The following GATAD1 variants were observed in gnomAD, a reference collection of about 807,000 sequenced individuals.
GATAD1 encodes GATA zinc finger domain-containing protein 1.
GATAD1 carries 12 observed loss-of-function variants against 26.5 expected under a neutral mutation model. The observed-to-expected ratio is 0.45, with a 90% CI of 0.29 to 0.73. The LOEUF (loss-of-function observed/expected upper bound fraction) is 0.73. Among genes scored for constraint, GATAD1 ranks in the 30% least tolerant of loss-of-function variants. GATAD1 has a pLI of 0.10. For missense variants in GATAD1, 266 were observed against 342.1 expected, an observed-to-expected ratio of 0.78 and a Z score of 1.75; for synonymous variants, 129 against 133.1, an observed-to-expected ratio of 0.97 and a Z score of 0.21.
chr7:92,471,776 C>T, the GATAD1 span: 1 of 152,166 alleles, frequency 6.6e-6, no homozygotes, highest in African/African-American at 2.4e-5. Context: ...TAATGGCTTC[C>T]TGATGTTTGA....
At chr7:92,493,623 A>C in the GATAD1 span, 1 of 154,030 alleles carries the variant, frequency 6.5e-6, no homozygotes, top group East Asian at 1.9e-4. Flanking sequence ...TGGGTGACAA[A>C]GTGAGACCTT....
chr7:92,486,768 A>ATAGT, the GATAD1 span, among the ~76,000 whole-genome samples: 1 of 152,120 alleles, frequency 6.6e-6, no homozygotes, highest in Non-Finnish European at 1.5e-5. Context: ...CCATTACTAT[A>ATAGT]TAGTTAAGAT....
the GATAD1 span, chr7:92,489,795 G>GC: frequency 6.2e-7 from 1 of 1,613,792 alleles, no homozygotes; most frequent in Non-Finnish European, 8.5e-7. Flanking sequence ...TAAGTTCTTG[G>GC]CAACCCTCTT....
downstream of GATAD1, among the ~76,000 whole-genome samples, chr7:92,462,619 G>C (rs1789961700): frequency 6.6e-6 from 1 of 152,226 alleles, no homozygotes; most frequent in Admixed American, 6.5e-5. Flanking sequence ...ATGTGTGCCT[G>C]ATCCCCATGC....
At chr7:92,486,348 C>T in the GATAD1 span, among the ~76,000 whole-genome samples, 3 of 152,184 alleles carry the variant, frequency 2.0e-5, no homozygotes, top group African/African-American at 7.2e-5. Flanking sequence ...CCACCACCAC[C>T]CTTCATGAAC....
chr7:92,470,174 G>C, the GATAD1 span: 1 of 777,372 alleles, frequency 1.3e-6, no homozygotes, highest in Non-Finnish European at 2.4e-6. Context: ...TAGCAGTTGC[G>C]GGGCATATGG....
the GATAD1 span, chr7:92,491,548 T>C: frequency 1.7e-6 from 2 of 1,145,446 alleles, no homozygotes; most frequent in Non-Finnish European, 2.6e-6. Context: ...TAAACAATTT[T>C]AGTCTCAGAA....
chr7:92,475,655 C>T, the GATAD1 span, among the ~76,000 whole-genome samples: 1 of 151,724 alleles, frequency 6.6e-6, no homozygotes, highest in African/African-American at 2.4e-5. Context: ...CAGTCCTGCA[C>T]CCCTTTTCCC....
At chr7:92,462,859 A>G (rs1789970564), downstream of GATAD1, 1 of 152,258 alleles carries the variant, frequency 6.6e-6, no homozygotes, top group Non-Finnish European at 1.5e-5. Context: ...ACCAGAACCC[A>G]AATCTGCTAG....
rs889790792 is a variant in GATAD1 at position 92,459,906 on chromosome 7, C to T, written c.*3344C>T. 1.4e-4 allele frequency among the ~76,000 whole-genome samples: 21 copies of T among 152,124 alleles called. No homozygotes were observed. Among genetic ancestry groups the T allele is most frequent in the Non-Finnish European group, 2.6e-4 (18 of 68,030 alleles). Reference sequence around the variant, plus strand: ...AGTTATTAATTCATATTAACTTTGGCTGAAACTTTTAAATTCTATTGTGAA... The same window carrying T: ...AGTTATTAATTCATATTAACTTTGGTTGAAACTTTTAAATTCTATTGTGAA... On this transcript the variant is annotated 3_prime_UTR_variant, in exon 5 of 5. Coordinates refer to ENST00000287957, the MANE Select transcript of GATAD1 (RefSeq NM_021167.5).
At chr7:92,479,004 C>T in the GATAD1 span, among the ~76,000 whole-genome samples, 3 of 152,162 alleles carry the variant, frequency 2.0e-5, no homozygotes, top group East Asian at 5.8e-4. Flanking sequence ...ATCCCCTGGG[C>T]CCTGTGCAAA....
chr7:92,448,720 T>C (rs770741668), intron 1 of GATAD1, 32 bp from the exon 2 acceptor site: 1 of 1,590,546 alleles, frequency 6.3e-7, no homozygotes, highest in Non-Finnish European at 8.6e-7. Context: ...TACTTCTTTC[T>C]CTTTTTGTTC....
At chr7:92,469,499 G>A in the GATAD1 span, 15 of 768,860 alleles carry the variant, frequency 2.0e-5, no homozygotes, top group South Asian at 6.8e-5. Context: ...GTCATAGGGG[G>A]CACTAAGAAT....
At chr7:92,472,173 G>A in the GATAD1 span, 6 of 152,358 alleles carry the variant, frequency 3.9e-5, no homozygotes, top group Admixed American at 6.5e-5. Context: ...TGGAAGAAAT[G>A]TGGCTGGGTT....
the GATAD1 span, among the ~76,000 whole-genome samples, chr7:92,488,468 A>G: frequency 3.3e-5 from 5 of 152,216 alleles, no homozygotes; most frequent in Non-Finnish European, 4.4e-5. Context: ...TCATTGACCT[A>G]GAATGGTTCC....
chr7:92,447,898 G>C lies in GATAD1; in HGVS notation c.169G>C (p.Gly57Arg). 1 of 1,262,908 alleles carries C rather than the reference G, an allele frequency of 7.9e-7. No individual in the cohort carries two copies. The highest frequency in any genetic ancestry group is 1.0e-6 in the Non-Finnish European group (1 of 1,004,830). The allele number at this position is 1,262,908 out of a possible 1,614,324, so 78.2% of individuals were successfully genotyped here. A position where few individuals can be genotyped will look rare whatever the true frequency, so the allele number is the denominator to read the frequency against. ...GAAGGTGGSG[G>R]GGFGAATFAS... ...GGCTGGAGGGACTGGGGGCAGCGGCGGCGGCGGCTTCGGCGCGGCGACCTT... is the reference window on the plus strand; with the variant it reads ...GGCTGGAGGGACTGGGGGCAGCGGCCGCGGCGGCTTCGGCGCGGCGACCTT... The change falls in exon 1 of 5, where the codon GGC (glycine) becomes CGC (arginine). Residue 57 changes from glycine (G) to arginine (R), a missense_variant. Physicochemically the swap from Gly to Arg is moderately radical, Grantham distance 125. Coordinates refer to ENST00000287957, the MANE Select transcript of GATAD1 (RefSeq NM_021167.5).
At chr7:92,448,703 C>T (rs749031125) in intron 1 of GATAD1, 49 bp from the exon 2 acceptor site, 1 of 1,491,074 alleles carries the variant, frequency 6.7e-7, no homozygotes, top group South Asian at 1.1e-5. Context: ...AACCTTTATG[C>T]ACTTTTTACT....
the GATAD1 span, chr7:92,489,803 C>A: frequency 6.2e-7 from 1 of 1,614,060 alleles, no homozygotes; most frequent in Non-Finnish European, 8.5e-7. Context: ...TGGCAACCCT[C>A]TTGTGAAGCT....
rs1789781890 is a variant in GATAD1, at chr7:92,458,487, A to T, written c.*1925A>T. ...CCTGTTGTATATGAAATTGTCTAGA[A>T]TTCAGGTGCAGGTCTTTGCCGGTTA... On this transcript the variant is annotated 3_prime_UTR_variant, in exon 5 of 5. Coordinates refer to ENST00000287957, the MANE Select transcript of GATAD1 (RefSeq NM_021167.5). 6.6e-6 allele frequency: 1 copy of T among 152,240 alleles called. No homozygotes were observed. The highest frequency in any genetic ancestry group is 2.1e-4 in the South Asian group (1 of 4,836). 9.4% of individuals were successfully genotyped at this position (152,240 alleles called of 1,614,324 possible). A position where few individuals can be genotyped will look rare whatever the true frequency, so the allele number is the denominator to read the frequency against.
Sources: allele counts gnomAD v4.1 joint callset (sites outside exome capture counted in the v4.1 genomes callset), GRCh38; gene constraint gnomAD v4.1.1; transcripts MANE v1.5; gene names NCBI Gene and HGNC (gene_info 2026-07-23, HGNC 2026-07-21).